The following RCAN1 variants were observed in gnomAD, a reference collection of about 807,000 sequenced individuals.
RCAN1 encodes the protein calcipressin-1.
RCAN1 carries 11 observed loss-of-function variants against 22.9 expected under a neutral mutation model. The observed-to-expected ratio is 0.48, with a 90% CI of 0.30 to 0.79. The LOEUF (loss-of-function observed/expected upper bound fraction) is 0.79. RCAN1 is among the 30% of genes least tolerant of loss of function. The probability of loss-of-function intolerance (pLI) is 0.06; values close to 1 mark genes in which losing one functional copy is unlikely to be tolerated. For synonymous variants in RCAN1, 136 were observed against 142.3 expected (o/e 0.96, Z 0.32); for missense variants, 291 against 337.8 (o/e 0.86, Z 1.09).
At chr21:34,594,230 A>T (rs1411231490) in intron 1 of RCAN1, among the ~76,000 whole-genome samples, 1 of 152,188 alleles carries the variant, frequency 6.6e-6, no homozygotes, top group Admixed American at 6.5e-5. Context: ...GTAGTCAGGG[A>T]CATAGCTGAA....
chr21:34,551,450 A>T (rs1986363592), intron 1 of RCAN1, among the ~76,000 whole-genome samples: 1 of 152,222 alleles, frequency 6.6e-6, no homozygotes, highest in African/African-American at 2.4e-5. Context: ...CCAATTAAAT[A>T]TTTAACCTAC....
chr21:34,519,040 C>T (rs925101911), intron 3 of RCAN1, among the ~76,000 whole-genome samples: 1 of 152,134 alleles, frequency 6.6e-6, no homozygotes, highest in African/African-American at 2.4e-5. Flanking sequence ...GAGCCTGGCT[C>T]CTTAGTACCC....
chr21:34,555,247 G>A (rs1360762401), intron 1 of RCAN1, among the ~76,000 whole-genome samples: 5 of 152,144 alleles, frequency 3.3e-5, no homozygotes, highest in Admixed American at 6.5e-5. Context: ...GGATTCTAAC[G>A]CAAACACGCT....
intron 1 of RCAN1, among the ~76,000 whole-genome samples, chr21:34,570,534 AGCAT>A (rs1468821233): frequency 6.6e-6 from 1 of 152,158 alleles, no homozygotes; most frequent in African/African-American, 2.4e-5. Flanking sequence ...AAACACGTGG[AGCAT>A]GTTTTCCACA....
At chr21:34,526,907 G>A in intron 1 of RCAN1, 1 of 1,444,852 alleles carries the variant, frequency 6.9e-7, no homozygotes, top group African/African-American at 1.5e-5. Context: ...AGCTTCCACA[G>A]CATCCTGTTT....
chr21:34,568,055 C>T lies in RCAN1; in HGVS notation c.253-44345G>A, dbSNP rs1340838186. Among the ~76,000 whole-genome samples the T allele has an allele frequency of 3.3e-5, 5 of 152,178 alleles. No individual in the cohort carries two copies. In the East Asian group the frequency reaches 9.6e-4, roughly 29 times the overall value. ...GATCTGTATGGCAATACTCTTAAGA[C>T]AGCTTCCACCAGGATGTGAGCCTCC... On this transcript the variant is annotated intron_variant, in intron 1 of 3. Transcript: ENST00000313806.
intron 3 of RCAN1, among the ~76,000 whole-genome samples, chr21:34,519,397 C>CTTTCTTTT (rs1555853490): frequency 6.8e-5 from 7 of 102,774 alleles, no homozygotes; most frequent in South Asian, 3.5e-4. Context: ...TTCTTTCTTT[C>CTTTCTTTT]TTTTTTTTTT....
intron 1 of RCAN1, among the ~76,000 whole-genome samples, chr21:34,527,827 C>T (rs1353278377): frequency 1.4e-5 from 2 of 147,390 alleles, no homozygotes; most frequent in Non-Finnish European, 3.0e-5. Context: ...GTTAAGAGGT[C>T]CTGCTTAAAG....
intron 1 of RCAN1, among the ~76,000 whole-genome samples, chr21:34,587,265 C>T (rs2123706233): frequency 6.6e-6 from 1 of 152,164 alleles, no homozygotes; most frequent in East Asian, 1.9e-4. Context: ...TCAATTGGTT[C>T]TATATCTATT....
At chr21:34,534,738 T>A (rs370075556) in intron 1 of RCAN1, among the ~76,000 whole-genome samples, 18 of 152,312 alleles carry the variant, frequency 1.2e-4, no homozygotes, top group East Asian at 5.8e-4. Flanking sequence ...TGTAGGGTTG[T>A]GATGACATTT....
intron 1 of RCAN1, among the ~76,000 whole-genome samples, chr21:34,591,835 G>A (rs1987983408): frequency 6.6e-6 from 1 of 152,178 alleles, no homozygotes; most frequent in Non-Finnish European, 1.5e-5. Flanking sequence ...TTAGAATGTA[G>A]GTGGTCACAT....
At position 34,614,304 on chromosome 21, in the gene RCAN1, T is replaced by C. The variant is rs1988758687; in HGVS notation, c.252+456A>G. 2 of 990,842 alleles carry C rather than the reference T, an allele frequency of 2.0e-6. No homozygotes were observed. The highest frequency in any genetic ancestry group is 6.1e-5 in the Admixed American group (1 of 16,422). The allele number at this position is 990,842 out of a possible 1,614,324, so 61.4% of individuals were successfully genotyped here. The stretch of plus-strand genomic sequence containing the variant: ...CAAACATTGGCTTTTCTTCCAATAG[T>C]GCAGATTGGGAATGCAGGGACGTCG... On this transcript the variant is annotated intron_variant, in intron 1 of 3. Transcript: ENST00000313806. This position sits in a 1 kb window ranked among gnomAD's most constrained non-coding sequence, Gnocchi z 6.0.
At chr21:34,560,315 A>C (rs769986860) in intron 1 of RCAN1, 1 of 152,224 alleles carries the variant, frequency 6.6e-6, no homozygotes, top group Non-Finnish European at 1.5e-5. Flanking sequence ...CAGGTGGCTA[A>C]TTCTAAAGTT....
At chr21:34,533,402 G>A (rs2123608523) in intron 1 of RCAN1, among the ~76,000 whole-genome samples, 1 of 152,114 alleles carries the variant, frequency 6.6e-6, no homozygotes, top group South Asian at 2.1e-4. Flanking sequence ...TCAAATAAAA[G>A]CAATTATGAT....
At chr21:34,577,065 C>A (rs933346483) in intron 1 of RCAN1, among the ~76,000 whole-genome samples, 1 of 152,184 alleles carries the variant, frequency 6.6e-6, no homozygotes, top group African/African-American at 2.4e-5. Flanking sequence ...GCATCCCAGG[C>A]GGAGGCAACT....
Position 34,517,775 on chromosome 21 carries a change from C to G in RCAN1, c.*309G>C, listed in dbSNP as rs768871580. ...CAACCTGCCCTTGGCACAGACAGAA[C>G]CTACCAGAAAAGAACAAGTACAAAA... On this transcript the variant is annotated 3_prime_UTR_variant, in exon 4 of 4. Coordinates refer to ENST00000313806, the MANE Select transcript of RCAN1 (RefSeq NM_004414.7). 3.1e-6 allele frequency: 1 copy of G among 319,130 alleles called. No homozygotes were observed. The highest frequency in any genetic ancestry group is 4.4e-5 in the South Asian group (1 of 22,818). The allele number at this position is 319,130 out of a possible 1,614,324, so 19.8% of individuals were successfully genotyped here.
intron 1 of RCAN1, among the ~76,000 whole-genome samples, chr21:34,529,355 G>C (rs1427471012): frequency 6.6e-6 from 1 of 152,198 alleles, no homozygotes; most frequent in East Asian, 1.9e-4. Flanking sequence ...GGAATCCTTA[G>C]TGGCACTTGG....
chr21:34,521,276 G>T, intron 3 of RCAN1: 7 of 1,443,806 alleles, frequency 4.8e-6, no homozygotes, highest in African/African-American at 1.4e-5. Flanking sequence ...CGTGATGCAG[G>T]GTCCCCACGA....
chr21:34,520,169 C>T (rs1024082850), intron 3 of RCAN1, among the ~76,000 whole-genome samples: 8 of 152,200 alleles, frequency 5.3e-5, no homozygotes, highest in Admixed American at 2.0e-4. Flanking sequence ...CAAGGACAAA[C>T]TGATTTTATT....
Sources: allele counts gnomAD v4.1 joint callset (sites outside exome capture counted in the v4.1 genomes callset), GRCh38; gene constraint gnomAD v4.1.1; non-coding constraint Gnocchi (gnomAD v3.1); transcripts MANE v1.5; gene names NCBI Gene and HGNC (gene_info 2026-07-23, HGNC 2026-07-21).